DYNAP: variants seen among roughly 807,000 people sequenced by gnomAD.
The protein encoded by DYNAP is dynactin associated protein.
A neutral mutation model predicts 8.5 loss-of-function variants in DYNAP; 7 were observed. That is an observed-to-expected ratio of 0.82 (90% CI 0.47 to 1.54). The LOEUF (loss-of-function observed/expected upper bound fraction) is 1.54. Ranked by LOEUF, DYNAP falls within the 40% of genes most tolerant of loss-of-function variation. The pLI is 0.01. For missense variants in DYNAP, 256 were observed against 224.3 expected, an observed-to-expected ratio of 1.14 and a Z score of -0.90; for synonymous variants, 77 against 77.9, an observed-to-expected ratio of 0.99 and a Z score of 0.06.
chr18:54,591,433 C>T (rs1911072703), intron 1 of DYNAP, 94 bp downstream of exon 1: 1 of 1,372,264 alleles, frequency 7.3e-7, no homozygotes, highest in Non-Finnish European at 9.6e-7. Context: ...ACTATCTAGC[C>T]AACATCATAA....
In DYNAP at chr18:54,591,310, T is replaced by C. The variant is rs1183150543; in HGVS notation, c.28T>C (p.Leu10=). 8.7e-6 allele frequency: 14 copies of C among 1,611,472 alleles called. No homozygotes were observed. Among genetic ancestry groups the C allele is most frequent in the East Asian group, 4.5e-5 (2 of 44,712 alleles). Reference sequence around the variant, plus strand: ...GGACAGAAAGCATGGAAAATACATATTGAACGTTGAGCACTCTGAAAACCA... The same window carrying C: ...GGACAGAAAGCATGGAAAATACATACTGAACGTTGAGCACTCTGAAAACCA... MDRKHGKYI[L]NVEHSENQPP... The change falls in exon 1 of 3, where the codon TTG becomes CTG. Residue 10 remains leucine, a synonymous_variant. Coordinates refer to ENST00000648945, the MANE Select transcript of DYNAP (RefSeq NM_173629.3).
At chr18:54,594,072 C>T (rs1201765484) in intron 1 of DYNAP, among the ~76,000 whole-genome samples, 1 of 152,136 alleles carries the variant, frequency 6.6e-6, no homozygotes, top group African/African-American at 2.4e-5. Flanking sequence ...TCCCTGCCAA[C>T]TCAGTTGTTT....
At chr18:54,596,716 G>A (rs958079340) in intron 2 of DYNAP, among the ~76,000 whole-genome samples, 1 of 152,040 alleles carries the variant, frequency 6.6e-6, no homozygotes, top group Non-Finnish European at 1.5e-5. Context: ...CCACTAAAGG[G>A]CTCTTTTTAA....
chr18:54,597,526 C>T (rs1465781805), intron 2 of DYNAP, among the ~76,000 whole-genome samples: 2 of 152,084 alleles, frequency 1.3e-5, no homozygotes, highest in Non-Finnish European at 2.9e-5. Flanking sequence ...CTTAGTTTTG[C>T]TGTCAACCTA....
In DYNAP at chr18:54,597,911, A is replaced by G; in HGVS notation, c.321A>G (p.Ile107Met). The G allele has an allele frequency of 1.2e-6, 2 of 1,613,664 alleles. No individual in the cohort carries two copies. Among genetic ancestry groups the G allele is most frequent in the Non-Finnish European group, 1.7e-6 (2 of 1,179,764 alleles). Residue 107 changes from isoleucine to methionine, a missense_variant, in exon 3 of 3, where the codon ATA (isoleucine) becomes ATG (methionine). Transcript: ENST00000648945. Reference sequence around the variant, plus strand: ...TGACAGCAATTGGAGTACTTATAATATGCTTGGTGAATAACAAAGGATCGG... The same window carrying G: ...TGACAGCAATTGGAGTACTTATAATGTGCTTGGTGAATAACAAAGGATCGG... Reference protein sequence around the residue: ...VIMTAIGVLIICLVNNKGSAN... With the variant: ...VIMTAIGVLIMCLVNNKGSAN...
chr18:54,588,680 T>G (rs1365506874), upstream of DYNAP, among the ~76,000 whole-genome samples: 2 of 152,242 alleles, frequency 1.3e-5, no homozygotes, highest in African/African-American at 4.8e-5. Context: ...ATTTTATTGC[T>G]TAAATACTGT....
chr18:54,579,101 A>T, the DYNAP span, among the ~76,000 whole-genome samples: 1 of 152,112 alleles, frequency 6.6e-6, no homozygotes, highest in Non-Finnish European at 1.5e-5. Flanking sequence ...GCCCGGCCAG[A>T]AAAGGCAGTT....
chr18:54,584,825 G>A (rs1910821728), upstream of DYNAP, among the ~76,000 whole-genome samples: 1 of 152,130 alleles, frequency 6.6e-6, no homozygotes, highest in African/African-American at 2.4e-5. Context: ...TTGTGTAGTT[G>A]CAATATTTCT....
intron 2 of DYNAP, among the ~76,000 whole-genome samples, chr18:54,596,993 C>A (rs1911320316): frequency 6.6e-6 from 1 of 152,032 alleles, no homozygotes; most frequent in Admixed American, 6.6e-5. Context: ...ATGTTTCAGA[C>A]CTACTGTATT....
the DYNAP span, among the ~76,000 whole-genome samples, chr18:54,578,960 C>T: frequency 1.2e-4 from 18 of 151,950 alleles, no homozygotes; most frequent in East Asian, 3.9e-4. Context: ...CCACCATGCC[C>T]GGCTAATTTT....
At chr18:54,582,996 G>A (rs540560525), upstream of DYNAP, among the ~76,000 whole-genome samples, 31 of 152,148 alleles carry the variant, frequency 2.0e-4, no homozygotes, top group Non-Finnish European at 2.9e-4. Context: ...TTTAATACAC[G>A]TTTCATTGAT....
intron 2 of DYNAP, among the ~76,000 whole-genome samples, chr18:54,596,480 G>C (rs1260933301): frequency 6.6e-6 from 1 of 152,146 alleles, no homozygotes; most frequent in East Asian, 1.9e-4. Context: ...GAAACTCTGG[G>C]GGGTGGGGCC....
At chr18:54,587,394 A>G (rs529064735), upstream of DYNAP, among the ~76,000 whole-genome samples, 10 of 152,284 alleles carry the variant, frequency 6.6e-5, no homozygotes, top group South Asian at 1.7e-3. Context: ...TATAAAAAAA[A>G]TGTAAAGTTT....
chr18:54,587,386 T>TA (rs1910916314), upstream of DYNAP, among the ~76,000 whole-genome samples: 1 of 151,896 alleles, frequency 6.6e-6, no homozygotes, highest in African/African-American at 2.4e-5. Context: ...GTCCTGGCTA[T>TA]AAAAAAAATG....
At chr18:54,592,028 C>T (rs1207069328) in intron 1 of DYNAP, among the ~76,000 whole-genome samples, 1 of 152,052 alleles carries the variant, frequency 6.6e-6, no homozygotes, top group African/African-American at 2.4e-5. Flanking sequence ...ATGAATGAAA[C>T]ATGTGTGAAG....
At chr18:54,585,892 T>C (rs1910860376), upstream of DYNAP, among the ~76,000 whole-genome samples, 2 of 152,190 alleles carry the variant, frequency 1.3e-5, no homozygotes, top group Admixed American at 1.3e-4. Context: ...GTCCTAACTT[T>C]GAACTCTGAG....
intron 2 of DYNAP, among the ~76,000 whole-genome samples, chr18:54,595,806 C>T (rs1911266131): frequency 6.6e-6 from 1 of 152,088 alleles, no homozygotes; most frequent in African/African-American, 2.4e-5. Context: ...GTTTGATTCC[C>T]CAGACTCTGG....
At chr18:54,576,880 G>A in the DYNAP span, among the ~76,000 whole-genome samples, 12 of 152,102 alleles carry the variant, frequency 7.9e-5, no homozygotes, top group South Asian at 2.1e-4. Context: ...AAACTACTTT[G>A]CCTTGATTCC....
At chr18:54,580,944 C>T in the DYNAP span, among the ~76,000 whole-genome samples, 3 of 152,120 alleles carry the variant, frequency 2.0e-5, no homozygotes, top group East Asian at 5.8e-4. Context: ...AGGGACCACC[C>T]TCCAAGTAAT....
Sources: gnomAD v4.1 joint callset for allele counts (sites outside exome capture counted in the v4.1 genomes callset) on GRCh38, gnomAD v4.1.1 for gene constraint, MANE v1.5 for transcripts, NCBI Gene and HGNC (gene_info 2026-07-23, HGNC 2026-07-21) for gene names.